The following DNAH7 variants were observed in gnomAD, a reference collection of about 807,000 sequenced individuals.
DNAH7 encodes the protein axonemal beta dynein heavy chain 7.
DNAH7 carries 397 observed loss-of-function variants against 444.6 expected under a neutral mutation model. That is an observed-to-expected ratio of 0.89 (90% CI 0.82 to 0.97). DNAH7 has a LOEUF of 0.97. DNAH7 is among the 50% of genes least tolerant of loss of function. DNAH7 has a pLI of 0.00. For synonymous variants in DNAH7, 1,636 were observed against 1,624.4 expected (o/e 1.01, Z -0.17); for missense variants, 4,902 against 4,800.8 (o/e 1.02, Z -0.62).
intron 47 of DNAH7, among the ~76,000 whole-genome samples, chr2:195,836,550 G>A (rs115204588): frequency 6.6e-6 from 1 of 151,396 alleles, no homozygotes; most frequent in African/African-American, 2.4e-5. Flanking sequence ...TGGGAGTCAT[G>A]GCTTCAACAT....
At chr2:195,939,294 C>T (rs1218701426) in intron 19 of DNAH7, among the ~76,000 whole-genome samples, 1 of 152,010 alleles carries the variant, frequency 6.6e-6, no homozygotes, top group Non-Finnish European at 1.5e-5. Context: ...TTAAAATGAA[C>T]ATTTTATAAT....
At chr2:195,797,122 C>T (rs940901282) in intron 55 of DNAH7, among the ~76,000 whole-genome samples, 1 of 152,188 alleles carries the variant, frequency 6.6e-6, no homozygotes, top group African/African-American at 2.4e-5. Context: ...TGAACTTGTC[C>T]TGTTTCCTCC....
In DNAH7 at chr2:195,873,706, A is replaced by G; in HGVS notation, c.6287-12T>C. 2 of 1,518,902 alleles carry G rather than the reference A, an allele frequency of 1.3e-6. No homozygotes were observed. Among genetic ancestry groups the G allele is most frequent in the Non-Finnish European group, 1.8e-6 (2 of 1,138,744 alleles). 94.1% of individuals were successfully genotyped at this position (1,518,902 alleles called of 1,614,324 possible). ...ATTTCGACCACCACCTAAATATTAA[A>G]AAGTATAACTCTTAATAATGTTACT... On this transcript the variant is annotated splice_polypyrimidine_tract_variant and intron_variant, in intron 38 of 64. Transcript: ENST00000312428.
At chr2:195,858,078 AAATT>A (rs1446614134) in intron 43 of DNAH7, among the ~76,000 whole-genome samples, 2 of 152,210 alleles carry the variant, frequency 1.3e-5, no homozygotes, top group African/African-American at 4.8e-5. Flanking sequence ...ATCACTGGCA[AAATT>A]AATACTTTAT....
rs1470371211 is a variant in DNAH7 at position 195,884,575 on chromosome 2, G to A, written c.5763+10C>T. 1 of 1,608,356 alleles carries A rather than the reference G, an allele frequency of 6.2e-7. No homozygotes were observed. The highest frequency in any genetic ancestry group is 1.7e-5 in the Admixed American group (1 of 60,000). On this transcript the variant is annotated intron_variant, in intron 35 of 64. Transcript: ENST00000312428. ...GCTGGCAGCTGCAAATCTTGCTTCA[G>A]AACTCTTACCTCAGTGACAAATTGA...
intron 50 of DNAH7, 149 bp downstream of exon 50, chr2:195,817,547 A>G (rs1349425007): frequency 2.3e-5 from 19 of 811,644 alleles, no homozygotes; most frequent in Non-Finnish European, 2.6e-5. Flanking sequence ...CTAAATTGAC[A>G]TAGAGGTATA....
chr2:196,038,102 T>C (rs1290275736), intron 5 of DNAH7, among the ~76,000 whole-genome samples: 3 of 151,880 alleles, frequency 2.0e-5, no homozygotes, highest in Non-Finnish European at 2.9e-5. Context: ...AATAAGACTA[T>C]ATATTCAAAG....
intron 38 of DNAH7, 66 bp from the exon 39 acceptor site, chr2:195,873,760 T>G (rs1251240407): frequency 8.3e-7 from 1 of 1,211,604 alleles, no homozygotes; most frequent in Non-Finnish European, 1.1e-6. Context: ...TTCTCAAATA[T>G]TCTATAGTTT....
intron 46 of DNAH7, among the ~76,000 whole-genome samples, chr2:195,851,760 G>A (rs1699378378): frequency 6.6e-6 from 1 of 152,144 alleles, no homozygotes; most frequent in Non-Finnish European, 1.5e-5. Context: ...GCTGAGCTCT[G>A]GAATGCTAGA....
At position 196,047,469 on chromosome 2, in the gene DNAH7, C is replaced by T. The variant is rs1258855099; in HGVS notation, c.281G>A (p.Gly94Asp). The change falls in exon 5 of 65, where the codon GGC (glycine) becomes GAC (aspartate). Residue 94 changes from glycine (G) to aspartate (D), a missense_variant. By Grantham distance (94) the Gly-to-Asp change is moderately conservative. Coordinates refer to ENST00000312428, the MANE Select transcript of DNAH7 (RefSeq NM_018897.3). ...ATCATCAACTTGGTGGGGTAATTTG[C>T]CCTTTTTTCCAAAACGTTCCATGTA... ...AEYMERFGKK[G>D]KLPHQVDDSY... The T allele has an allele frequency of 1.9e-6, 3 of 1,596,112 alleles. No homozygotes were observed. Among genetic ancestry groups the T allele is most frequent in the Admixed American group, 3.4e-5 (2 of 58,960 alleles).
chr2:195,921,511 A>G (rs565066662), intron 24 of DNAH7, among the ~76,000 whole-genome samples: 145 of 152,282 alleles, frequency 9.5e-4, no homozygotes, highest in African/African-American at 3.2e-3. Flanking sequence ...ACCAAACATC[A>G]TATGTTCTCA....
chr2:196,041,848 C>G (rs936954808), intron 5 of DNAH7, among the ~76,000 whole-genome samples: 12 of 151,566 alleles, frequency 7.9e-5, no homozygotes, highest in African/African-American at 2.7e-4. Context: ...GGAACTCAAA[C>G]AACTCAACAA....
At chr2:195,793,771 C>A (rs138843726) in intron 57 of DNAH7, among the ~76,000 whole-genome samples, 1 of 152,232 alleles carries the variant, frequency 6.6e-6, no homozygotes, top group Non-Finnish European at 1.5e-5. Flanking sequence ...TAAAAAGAAA[C>A]TCTTCCATTT....
At chr2:195,958,497 T>TG (rs1400519098) in intron 18 of DNAH7, among the ~76,000 whole-genome samples, 2 of 152,240 alleles carry the variant, frequency 1.3e-5, no homozygotes, top group East Asian at 3.9e-4. Context: ...TTCAACTGTG[T>TG]GGGGGGTCAG....
intron 57 of DNAH7, among the ~76,000 whole-genome samples, chr2:195,788,294 G>A (rs1695723033): frequency 6.6e-6 from 1 of 152,178 alleles, no homozygotes; most frequent in South Asian, 2.1e-4. Context: ...CAAGAAGAAA[G>A]ATGCCAACTC....
intron 12 of DNAH7, among the ~76,000 whole-genome samples, chr2:195,990,944 T>TACATATATATACTTAAATATATAC (rs1693288707): frequency 6.9e-6 from 1 of 145,814 alleles, no homozygotes; most frequent in Admixed American, 7.0e-5. Flanking sequence ...TAAATATATA[T>TACATATATATACTTAAATATATAC]ACATATATAT....
At chr2:195,949,962 A>T (rs921299494) in intron 19 of DNAH7, among the ~76,000 whole-genome samples, 2 of 152,190 alleles carry the variant, frequency 1.3e-5, no homozygotes, top group Non-Finnish European at 1.5e-5. Context: ...TGACTTGATC[A>T]TGCTGGATAA....
At position 196,019,347 on chromosome 2, in the gene DNAH7, G is replaced by A. The variant is rs765808607; in HGVS notation, c.744-52C>T. 18 of 1,364,374 alleles carry A rather than the reference G, an allele frequency of 1.3e-5. No homozygotes were observed. The African/African-American group carries it at 2.6e-4, about 20-fold the overall frequency. 84.5% of individuals were successfully genotyped at this position (1,364,374 alleles called of 1,614,324 possible). A position where few individuals can be genotyped will look rare whatever the true frequency, so the allele number is the denominator to read the frequency against. On this transcript the variant is annotated intron_variant, in intron 8 of 64. Transcript: ENST00000312428. ...CAGTCTCAAAAAAAGTATTTTTATA[G>A]TAACTGTACATTTTGGGTAATAATT...
intron 49 of DNAH7, among the ~76,000 whole-genome samples, chr2:195,822,339 A>C (rs757395103): frequency 5.9e-5 from 9 of 152,188 alleles, no homozygotes; most frequent in Non-Finnish European, 1.3e-4. Flanking sequence ...TTCATATTCC[A>C]TTAATGTTGG....
Sources: allele counts gnomAD v4.1 joint callset (sites outside exome capture counted in the v4.1 genomes callset), GRCh38; gene constraint gnomAD v4.1.1; transcripts MANE v1.5; gene names NCBI Gene and HGNC (gene_info 2026-07-23, HGNC 2026-07-21).